The following BAALC variants were observed in gnomAD, a reference collection of about 807,000 sequenced individuals.
BAALC encodes brain and acute leukemia cytoplasmic protein.
In BAALC, 9 loss-of-function variants were observed where a neutral mutation model predicts 15.5. The ratio of observed to expected loss-of-function variants is 0.58; its 90% confidence interval spans 0.35 to 1.02. The LOEUF is 1.02. Among genes scored for constraint, BAALC ranks in the 50% least tolerant of loss-of-function variants. BAALC has a pLI of 0.02. For synonymous variants in BAALC, 80 were observed against 74.6 expected (o/e 1.07, Z -0.37); for missense variants, 201 against 192.4 (o/e 1.04, Z -0.27).
chr8:103,175,681 G>C (rs1049591651), intron 1 of BAALC, among the ~76,000 whole-genome samples: 6 of 152,198 alleles, frequency 3.9e-5, no homozygotes, highest in African/African-American at 1.4e-4. Flanking sequence ...ACTGCCTTTG[G>C]GTGGCATTTG....
chr8:103,183,455 C>T (rs1235495909), intron 1 of BAALC: 1 of 702,920 alleles, frequency 1.4e-6, no homozygotes, highest in Non-Finnish European at 2.6e-6. Context: ...GGTAGCATGG[C>T]CACACACCAT....
chr8:103,187,367 A>C (rs1434013347), intron 1 of BAALC, among the ~76,000 whole-genome samples: 1 of 152,222 alleles, frequency 6.6e-6, no homozygotes, highest in Admixed American at 6.5e-5. Context: ...AGTCGGGTAG[A>C]GACCAGGGGT....
At chr8:103,166,938 G>T (rs779240994) in intron 1 of BAALC, among the ~76,000 whole-genome samples, 2 of 152,120 alleles carry the variant, frequency 1.3e-5, no homozygotes, top group Non-Finnish European at 2.9e-5. Context: ...CATCTTCCAG[G>T]TTAATTCTAA....
chr8:103,156,325 C>T (rs1267714854), intron 1 of BAALC, among the ~76,000 whole-genome samples: 2 of 152,182 alleles, frequency 1.3e-5, no homozygotes, highest in Non-Finnish European at 2.9e-5. Flanking sequence ...TTTAAAGTAT[C>T]TTGGATAACA....
At chr8:103,143,016 G>T (rs1451036707) in intron 1 of BAALC, among the ~76,000 whole-genome samples, 1 of 152,186 alleles carries the variant, frequency 6.6e-6, no homozygotes, top group Non-Finnish European at 1.5e-5. Flanking sequence ...TATGGGCAGG[G>T]TCATTTTAAT....
chr8:103,151,012 G>T (rs909299174), intron 1 of BAALC, among the ~76,000 whole-genome samples: 8 of 130,550 alleles, frequency 6.1e-5, no homozygotes, highest in Admixed American at 2.5e-4. Context: ...CAATGTTAAA[G>T]AATTTGATTT....
chr8:103,198,521 C>T (rs1812144392), intron 1 of BAALC, among the ~76,000 whole-genome samples: 2 of 152,184 alleles, frequency 1.3e-5, no homozygotes, highest in Admixed American at 6.5e-5. Flanking sequence ...GTTTGTTGGG[C>T]ATCTCTCTAG....
At chr8:103,159,387 T>C (rs62527634) in intron 1 of BAALC, among the ~76,000 whole-genome samples, 5,471 of 152,312 alleles carry the variant, frequency 0.036, 104 homozygotes, top group Middle Eastern at 0.061. Flanking sequence ...CTTCAACATT[T>C]ATTACTTGGA....
intron 1 of BAALC, among the ~76,000 whole-genome samples, chr8:103,183,199 G>C (rs919460915): frequency 6.6e-6 from 1 of 152,226 alleles, no homozygotes; most frequent in African/African-American, 2.4e-5. Flanking sequence ...AATGAGGTCT[G>C]CCAAGGAGAG....
chr8:103,199,181 G>C (rs2130025908), intron 1 of BAALC, among the ~76,000 whole-genome samples: 1 of 152,276 alleles, frequency 6.6e-6, no homozygotes, highest in Admixed American at 6.5e-5. Flanking sequence ...TGAAATTGCT[G>C]AGTTATTTTG....
chr8:103,144,599 A>C (rs62527612), intron 1 of BAALC, among the ~76,000 whole-genome samples: 10,611 of 152,296 alleles, frequency 0.07, 511 homozygotes, highest in Non-Finnish European at 0.11. Context: ...CCATTCATTA[A>C]TAACTTCCTA....
chr8:103,171,943 C>T (rs1310779054), intron 1 of BAALC: 2 of 152,200 alleles, frequency 1.3e-5, no homozygotes, highest in Non-Finnish European at 2.9e-5. Flanking sequence ...TACCTGAATA[C>T]CTAAGGTCTT....
intron 1 of BAALC, among the ~76,000 whole-genome samples, chr8:103,210,275 G>A (rs1290917704): frequency 6.6e-6 from 1 of 152,254 alleles, no homozygotes; most frequent in Non-Finnish European, 1.5e-5. Flanking sequence ...ATCCATCACA[G>A]CACCCCAATG....
intron 2 of BAALC, chr8:103,213,312 G>A (rs1812493487): frequency 2.1e-6 from 1 of 475,084 alleles, no homozygotes; most frequent in Admixed American, 3.3e-5. Flanking sequence ...CTTAAGTACA[G>A]CTTTATTCAA....
intron 1 of BAALC, among the ~76,000 whole-genome samples, chr8:103,185,044 G>A (rs1403550267): frequency 1.3e-5 from 2 of 152,106 alleles, no homozygotes; most frequent in Admixed American, 1.3e-4. Context: ...CCACTCCCTA[G>A]TCTCCGAAGA....
At chr8:103,173,686 C>G (rs1485030414) in intron 1 of BAALC, among the ~76,000 whole-genome samples, 1 of 152,136 alleles carries the variant, frequency 6.6e-6, no homozygotes, top group Non-Finnish European at 1.5e-5. Context: ...CATGCCAAAA[C>G]CATCCAGTAA....
chr8:103,174,754 C>T (rs1312024615), intron 1 of BAALC, among the ~76,000 whole-genome samples: 1 of 152,176 alleles, frequency 6.6e-6, no homozygotes, highest in East Asian at 1.9e-4. Context: ...TGTACATTCC[C>T]ATAGTAATGG....
At chr8:103,223,958 C>G (rs1216737668) in intron 2 of BAALC, among the ~76,000 whole-genome samples, 3 of 152,178 alleles carry the variant, frequency 2.0e-5, no homozygotes, top group Admixed American at 2.0e-4. Context: ...ATTCCATGCC[C>G]CAGTCCTCAA....
intron 1 of BAALC, among the ~76,000 whole-genome samples, chr8:103,142,667 G>A (rs771488609): frequency 3.9e-5 from 6 of 152,184 alleles, no homozygotes; most frequent in African/African-American, 1.2e-4. Flanking sequence ...AATGGTTGCC[G>A]TGGTGACTGG....
Sources: allele counts gnomAD v4.1 joint callset (sites outside exome capture counted in the v4.1 genomes callset), GRCh38; gene constraint gnomAD v4.1.1; transcripts MANE v1.5; gene names NCBI Gene and HGNC (gene_info 2026-07-23, HGNC 2026-07-21).